The following ARID4B variants were observed in gnomAD, a reference collection of about 807,000 sequenced individuals.
The protein encoded by ARID4B is AT-rich interactive domain-containing protein 4B.
In ARID4B, 26 loss-of-function variants were observed where a neutral mutation model predicts 147.5. The observed-to-expected ratio is 0.18, with a 90% CI of 0.13 to 0.24. ARID4B has a LOEUF of 0.24. Among genes scored for constraint, ARID4B ranks in the 10% least tolerant of loss-of-function variants. ARID4B has a pLI of 1.00. For synonymous variants in ARID4B, 512 were observed against 507.9 expected, an observed-to-expected ratio of 1.01 and a Z score of -0.11; for missense variants, 1,179 against 1,511.5, an observed-to-expected ratio of 0.78 and a Z score of 3.65.
Position 235,278,117 on chromosome 1 carries a change from G to A in ARID4B, c.7-17365C>T, listed in dbSNP as rs148940645. Reference sequence around the variant, plus strand: ...ATGTAACAGGCCTTCCAGGATACTCGGTCTTGCCTTCTTTCAATGGCCTCT... The same window carrying A: ...ATGTAACAGGCCTTCCAGGATACTCAGTCTTGCCTTCTTTCAATGGCCTCT... On this transcript the variant is annotated intron_variant, in intron 2 of 23. Transcript: ENST00000264183. Among the ~76,000 whole-genome samples the A allele has an allele frequency of 5.8e-3, 890 of 152,146 alleles. 5 individuals are homozygous for A. The highest frequency in any genetic ancestry group is 9.1e-3 in the Non-Finnish European group (622 of 68,006).
At chr1:235,268,797 C>A (rs1338755712) in intron 2 of ARID4B, among the ~76,000 whole-genome samples, 2 of 152,128 alleles carry the variant, frequency 1.3e-5, no homozygotes, top group Non-Finnish European at 2.9e-5. Flanking sequence ...AAATAACTCT[C>A]TCCATTATAA....
At chr1:235,212,657 C>G (rs1392668189) in intron 17 of ARID4B, among the ~76,000 whole-genome samples, 1 of 151,984 alleles carries the variant, frequency 6.6e-6, no homozygotes, top group Admixed American at 6.5e-5. Context: ...TGTAAGAATA[C>G]TATATATTTT....
intron 23 of ARID4B, 143 bp from the exon 24 acceptor site, chr1:235,168,795 T>TGG: frequency 1.2e-6 from 1 of 861,592 alleles, no homozygotes; most frequent in Admixed American, 3.0e-5. Context: ...ATTCTCACAG[T>TGG]TCTACGATGT....
intron 2 of ARID4B, among the ~76,000 whole-genome samples, chr1:235,278,721 T>A (rs1671491526): frequency 6.6e-6 from 1 of 152,202 alleles, no homozygotes. Context: ...GAGGGAAAAG[T>A]GGCAGCTGCA....
intron 2 of ARID4B, among the ~76,000 whole-genome samples, chr1:235,273,129 C>T (rs569954501): frequency 1.3e-5 from 2 of 152,294 alleles, no homozygotes; most frequent in South Asian, 2.1e-4. Context: ...CCTCTGCCTC[C>T]CAGGTTCAAG....
At chr1:235,270,290 C>CA (rs1670896980) in intron 2 of ARID4B, among the ~76,000 whole-genome samples, 1 of 151,972 alleles carries the variant, frequency 6.6e-6, no homozygotes, top group Non-Finnish European at 1.5e-5. Context: ...CTCAAAAAAA[C>CA]AAAAAACAAA....
intron 16 of ARID4B, among the ~76,000 whole-genome samples, chr1:235,218,107 G>A (rs547849379): frequency 1.3e-5 from 2 of 152,206 alleles, no homozygotes; most frequent in South Asian, 4.1e-4. Context: ...CCTGTTTTCA[G>A]ACCACAGTTG....
intron 17 of ARID4B, among the ~76,000 whole-genome samples, chr1:235,203,653 A>G (rs914408834): frequency 6.6e-6 from 1 of 152,150 alleles, no homozygotes; most frequent in Non-Finnish European, 1.5e-5. Flanking sequence ...TTGCCTCTCT[A>G]TAATCAAAAA....
At position 235,209,767 on chromosome 1, in the gene ARID4B, T is replaced by A. The variant is rs564658892; in HGVS notation, c.1841+4002A>T. Among the ~76,000 whole-genome samples the A allele has an allele frequency of 2.0e-5, 3 of 152,104 alleles. No individual in the cohort carries two copies. In the South Asian group the frequency reaches 6.2e-4, roughly 32 times the overall value. On this transcript the variant is annotated intron_variant, in intron 17 of 23. Coordinates refer to ENST00000264183, the MANE Select transcript of ARID4B (RefSeq NM_016374.6). ...TTAGTAGAGATGAGGTTTCGCCATGTTGGCCAGGCTGGTTTCGAACTCCTG... is the reference window on the plus strand; with the variant it reads ...TTAGTAGAGATGAGGTTTCGCCATGATGGCCAGGCTGGTTTCGAACTCCTG...
chr1:235,230,674 C>G (rs1168922612), intron 10 of ARID4B, among the ~76,000 whole-genome samples: 1 of 149,752 alleles, frequency 6.7e-6, no homozygotes, highest in Non-Finnish European at 1.5e-5. Context: ...GTAATCCTAG[C>G]ACTTCGGGAG....
At chr1:235,200,872 G>A (rs1479444735) in intron 17 of ARID4B, among the ~76,000 whole-genome samples, 2 of 152,092 alleles carry the variant, frequency 1.3e-5, no homozygotes, top group Admixed American at 6.6e-5. Context: ...GGCCAGGCCC[G>A]GTGGCTTATG....
chr1:235,303,226 G>C (rs1012289447), intron 2 of ARID4B, among the ~76,000 whole-genome samples: 1 of 152,118 alleles, frequency 6.6e-6, no homozygotes, highest in Non-Finnish European at 1.5e-5. Context: ...CCCGGCCAGA[G>C]AGTTTATATT....
chr1:235,253,391 C>A (rs1669761941), intron 5 of ARID4B, among the ~76,000 whole-genome samples: 1 of 152,166 alleles, frequency 6.6e-6, no homozygotes, highest in Admixed American at 6.5e-5. Flanking sequence ...CCCTTCCCAG[C>A]TGTGACAACC....
chr1:235,263,846 T>C (rs1016923555), intron 2 of ARID4B, among the ~76,000 whole-genome samples: 3 of 150,656 alleles, frequency 2.0e-5, no homozygotes, highest in African/African-American at 7.3e-5. Context: ...TACAAAAAAA[T>C]AGCTGGGCGT....
chr1:235,327,204 T>A, intron 1 of ARID4B: 2 of 394,654 alleles, frequency 5.1e-6, no homozygotes, highest in Admixed American at 8.5e-5. Context: ...CCCGACGGAG[T>A]TTCCCGTCTA....
rs1553304391 is a variant in ARID4B at position 235,255,269 on chromosome 1, A to ATCTATCTC, written c.274+390_274+391insGAGATAGA. 3.3e-3 allele frequency among the ~76,000 whole-genome samples: 433 copies of ATCTATCTC among 131,592 alleles called. 2 individuals are homozygous for ATCTATCTC. Among genetic ancestry groups the ATCTATCTC allele is most frequent in the African/African-American group, 0.012 (415 of 35,490 alleles). The allele number at this position is 131,592 out of a possible 152,430, so 86.3% of individuals were successfully genotyped here. A position where few individuals can be genotyped will look rare whatever the true frequency, so the allele number is the denominator to read the frequency against. On this transcript the variant is annotated intron_variant, in intron 5 of 23. Coordinates refer to ENST00000264183, the MANE Select transcript of ARID4B (RefSeq NM_016374.6). ...TAGATAGATAGATAGATAGATATAT[A>ATCTATCTC]TCTCTCTCTCTCTCTCTCTATATAT...
At chr1:235,168,781 G>T in intron 23 of ARID4B, 129 bp from the exon 24 acceptor site, 1 of 958,832 alleles carries the variant, frequency 1.0e-6, no homozygotes, top group Non-Finnish European at 1.5e-6. Context: ...AACAACAGTG[G>T]TCAATTCTCA....
intron 2 of ARID4B, among the ~76,000 whole-genome samples, chr1:235,309,728 GA>G (rs1673909789): frequency 6.6e-6 from 1 of 152,024 alleles, no homozygotes; most frequent in Admixed American, 6.6e-5. Context: ...TTGTGGAATA[GA>G]AAGGGGGGAA....
intron 16 of ARID4B, among the ~76,000 whole-genome samples, chr1:235,217,064 T>C (rs976572018): frequency 1.3e-5 from 2 of 152,176 alleles, no homozygotes; most frequent in African/African-American, 2.4e-5. Flanking sequence ...CTTTAAGTAG[T>C]AGCCCAGGCA....
Sources: gnomAD v4.1 joint callset for allele counts (sites outside exome capture counted in the v4.1 genomes callset) on GRCh38, gnomAD v4.1.1 for gene constraint, MANE v1.5 for transcripts, NCBI Gene and HGNC (gene_info 2026-07-23, HGNC 2026-07-21) for gene names.